Variants in POU2F1 observed in about 807,000 individuals in gnomAD.
POU2F1 encodes POU domain, class 2, transcription factor 1.
A neutral mutation model predicts 84.9 loss-of-function variants in POU2F1; 16 were observed. The observed-to-expected ratio is 0.19, with a 90% CI of 0.13 to 0.29. The LOEUF (loss-of-function observed/expected upper bound fraction) is 0.29. Ranked by LOEUF, POU2F1 falls within the 10% of genes least tolerant of loss-of-function variation. The pLI is 1.00. For missense variants in POU2F1, 738 were observed against 942.6 expected, an observed-to-expected ratio of 0.78 and a Z score of 2.84; for synonymous variants, 368 against 368.3, an observed-to-expected ratio of 1.00 and a Z score of 0.01.
intron 1 of POU2F1, among the ~76,000 whole-genome samples, chr1:167,285,465 G>A (rs918598720): frequency 2.0e-5 from 3 of 152,082 alleles, no homozygotes; most frequent in Non-Finnish European, 2.9e-5. Flanking sequence ...AGCAGCAGGC[G>A]CCTGTAGTCC....
chr1:167,255,263 A>AC (rs1262190785), intron 1 of POU2F1, among the ~76,000 whole-genome samples: 1 of 152,202 alleles, frequency 6.6e-6, no homozygotes, highest in East Asian at 1.9e-4. Flanking sequence ...CCTACTAGGT[A>AC]CCTCAGGAAA....
At chr1:167,298,523 C>T (rs1380789295) in intron 1 of POU2F1, among the ~76,000 whole-genome samples, 2 of 151,958 alleles carry the variant, frequency 1.3e-5, no homozygotes, top group African/African-American at 2.4e-5. Context: ...TATTTCTTAT[C>T]GTAAAATAGA....
intron 1 of POU2F1, among the ~76,000 whole-genome samples, chr1:167,254,598 C>A (rs958208037): frequency 9.2e-5 from 14 of 152,198 alleles, no homozygotes; most frequent in Non-Finnish European, 1.6e-4. Context: ...AAGTACTATT[C>A]AGAGTCTGAC....
At chr1:167,323,617 A>G (rs1656480738) in intron 1 of POU2F1, among the ~76,000 whole-genome samples, 1 of 152,168 alleles carries the variant, frequency 6.6e-6, no homozygotes, top group South Asian at 2.1e-4. Flanking sequence ...TGAGTTGTAA[A>G]GTTATTAAGA....
At chr1:167,334,184 G>A (rs899587728) in intron 2 of POU2F1, among the ~76,000 whole-genome samples, 1 of 76,522 alleles carries the variant, frequency 1.3e-5, no homozygotes, top group Non-Finnish European at 2.4e-5. Context: ...TTTTGAGATG[G>A]AATTTTGCTC....
At chr1:167,411,408 T>G (rs1003457873) in intron 13 of POU2F1, among the ~76,000 whole-genome samples, 4 of 152,030 alleles carry the variant, frequency 2.6e-5, no homozygotes, top group Non-Finnish European at 4.4e-5. Context: ...GTATGTTGTT[T>G]TTTTTTTTAC....
At position 167,340,986 on chromosome 1, in the gene POU2F1, C is replaced by T. The variant is rs536944856; in HGVS notation, c.127+8451C>T. Among the ~76,000 whole-genome samples, 23 of 152,168 alleles carry T rather than the reference C, an allele frequency of 1.5e-4. No homozygotes were observed. In the South Asian group the frequency reaches 3.7e-3, roughly 25 times the overall value. ...TGGAATTGAAACTGTATCTTACAGG[C>T]TGGGTAGGGTTTAAATCATGATGAT... On this transcript the variant is annotated intron_variant, in intron 2 of 15. Transcript: ENST00000367866.
chr1:167,388,863 G>A (rs1407036865), intron 8 of POU2F1, among the ~76,000 whole-genome samples: 5 of 152,100 alleles, frequency 3.3e-5, no homozygotes, highest in African/African-American at 1.2e-4. Flanking sequence ...GCCTGTGCTT[G>A]CATGCCTGTC....
chr1:167,377,261 A>C (rs1237564536), intron 7 of POU2F1, among the ~76,000 whole-genome samples: 1 of 152,212 alleles, frequency 6.6e-6, no homozygotes, highest in Non-Finnish European at 1.5e-5. Context: ...TAAATCCTAT[A>C]GCTTAGTGCT....
chr1:167,310,587 C>T (rs539037663), intron 1 of POU2F1, among the ~76,000 whole-genome samples: 1 of 152,078 alleles, frequency 6.6e-6, no homozygotes, highest in South Asian at 2.1e-4. Flanking sequence ...GATAAAGGAA[C>T]AGTTTACCAA....
intron 2 of POU2F1, among the ~76,000 whole-genome samples, chr1:167,339,204 C>A (rs1657673135): frequency 6.6e-6 from 1 of 152,154 alleles, no homozygotes; most frequent in Non-Finnish European, 1.5e-5. Context: ...CTGCTTCCAT[C>A]ATCATATTTC....
intron 1 of POU2F1, among the ~76,000 whole-genome samples, chr1:167,224,305 A>G (rs1296722327): frequency 6.6e-6 from 1 of 152,204 alleles, no homozygotes; most frequent in African/African-American, 2.4e-5. Flanking sequence ...AGCATGGCTT[A>G]GGCTAATGGA....
intron 1 of POU2F1, among the ~76,000 whole-genome samples, chr1:167,237,756 A>G (rs10800296): frequency 0.43 from 34,417 of 80,842 alleles, 5,537 homozygotes; most frequent in Middle Eastern, 0.59. Context: ...GTATATATAT[A>G]TATATATATA....
chr1:167,250,077 T>C (rs1442741095), intron 1 of POU2F1, among the ~76,000 whole-genome samples: 1 of 152,196 alleles, frequency 6.6e-6, no homozygotes, highest in African/African-American at 2.4e-5. Flanking sequence ...AATTCTTTTG[T>C]GTGTCATTTT....
intron 1 of POU2F1, among the ~76,000 whole-genome samples, chr1:167,264,822 G>C (rs1420985435): frequency 1.3e-5 from 2 of 152,016 alleles, no homozygotes; most frequent in Admixed American, 6.6e-5. Flanking sequence ...TAAAATGTTA[G>C]AGCATGTCTC....
At chr1:167,287,557 T>C (rs2102521723) in intron 1 of POU2F1, among the ~76,000 whole-genome samples, 3 of 152,340 alleles carry the variant, frequency 2.0e-5, no homozygotes, top group African/African-American at 7.2e-5. Flanking sequence ...TAGATATGTT[T>C]TGAAGAATGG....
At chr1:167,343,134 G>T (rs1228803580) in intron 2 of POU2F1, among the ~76,000 whole-genome samples, 2 of 152,056 alleles carry the variant, frequency 1.3e-5, no homozygotes, top group Non-Finnish European at 2.9e-5. Flanking sequence ...TGCACATGGG[G>T]ATTTTAAAAC....
At chr1:167,268,769 G>A (rs1056068966) in intron 1 of POU2F1, among the ~76,000 whole-genome samples, 2 of 152,158 alleles carry the variant, frequency 1.3e-5, no homozygotes, top group African/African-American at 4.8e-5. Flanking sequence ...TGCACACCGA[G>A]TAGTAAAACC....
chr1:167,339,891 T>C (rs187457173), intron 2 of POU2F1, among the ~76,000 whole-genome samples: 30 of 152,362 alleles, frequency 2.0e-4, no homozygotes, highest in African/African-American at 7.2e-5. Context: ...GTGGCTAGCA[T>C]TGATTAAGTA....
Sources: allele counts gnomAD v4.1 joint callset (sites outside exome capture counted in the v4.1 genomes callset), GRCh38; gene constraint gnomAD v4.1.1; transcripts MANE v1.5; gene names NCBI Gene and HGNC (gene_info 2026-07-23, HGNC 2026-07-21).